KIF6: variants seen among roughly 807,000 people sequenced by gnomAD.
KIF6 encodes the protein kinesin family member 6, also known as kinesin-like protein KIF6.
KIF6 carries 106 observed loss-of-function variants against 112.7 expected under a neutral mutation model. The ratio of observed to expected loss-of-function variants is 0.94; its 90% CI spans 0.80 to 1.11. The LOEUF (loss-of-function observed/expected upper bound fraction) is 1.11, where lower values mean the gene tolerates loss of function less well. KIF6 is among the 50% of genes least tolerant of loss of function. KIF6 has a pLI of 0.00. For synonymous variants in KIF6, 339 were observed against 339.9 expected (o/e 1.00, Z 0.03); for missense variants, 929 against 964.0 (o/e 0.96, Z 0.48).
intron 3 of KIF6, among the ~76,000 whole-genome samples, chr6:39,688,028 C>A (rs1047971953): frequency 6.6e-6 from 1 of 152,178 alleles, no homozygotes; most frequent in African/African-American, 2.4e-5. Context: ...TGTTAACCCC[C>A]GTAGGCCTGA....
chr6:39,591,841 G>A lies in KIF6; in HGVS notation c.846+4213C>T, dbSNP rs576532746. On this transcript the variant is annotated intron_variant, in intron 7 of 22. Transcript: ENST00000287152. ...AAAACCTGACTTTTTGGCCAGGAGCGGTGGCTCACACCTGTAATCCCAGCA... is the reference window on the plus strand; with the variant it reads ...AAAACCTGACTTTTTGGCCAGGAGCAGTGGCTCACACCTGTAATCCCAGCA... Among the ~76,000 whole-genome samples, 328 of 152,248 alleles carry A rather than the reference G, an allele frequency of 2.2e-3. 2 individuals are homozygous for A. Among genetic ancestry groups the A allele is most frequent in the Non-Finnish European group, 3.8e-3 (256 of 68,012 alleles).
intron 3 of KIF6, among the ~76,000 whole-genome samples, chr6:39,678,875 A>C (rs1373858058): frequency 6.6e-6 from 1 of 152,198 alleles, no homozygotes; most frequent in Non-Finnish European, 1.5e-5. Context: ...TGGAGTCTTT[A>C]CCATGGAATA....
chr6:39,708,174 T>C (rs1789323978), intron 3 of KIF6, among the ~76,000 whole-genome samples: 2 of 152,124 alleles, frequency 1.3e-5, no homozygotes, highest in Admixed American at 1.3e-4. Flanking sequence ...TGCTGGGCAA[T>C]GACCTTGGCA....
intron 13 of KIF6, among the ~76,000 whole-genome samples, chr6:39,503,411 C>T (rs181014174): frequency 6.6e-6 from 1 of 151,608 alleles, no homozygotes; most frequent in African/African-American, 2.4e-5. Flanking sequence ...AGTTAACAAC[C>T]TGAGATCACA....
chr6:39,559,113 T>C (rs1420683196), intron 10 of KIF6, among the ~76,000 whole-genome samples: 1 of 152,196 alleles, frequency 6.6e-6, no homozygotes, highest in Non-Finnish European at 1.5e-5. Flanking sequence ...ATTTCATGAA[T>C]GATTTTAGAG....
chr6:39,506,212 T>C (rs1343016762), intron 13 of KIF6, among the ~76,000 whole-genome samples: 1 of 152,182 alleles, frequency 6.6e-6, no homozygotes, highest in African/African-American at 2.4e-5. Context: ...GGGACATGGA[T>C]GGAGCTGTAA....
rs532132719 is a variant in KIF6, at chr6:39,346,483, C to G, written c.2224G>C (p.Asp742His). Residue 742 changes from aspartate to histidine, a missense_variant, in exon 20 of 23, where the codon GAT becomes CAT. Physicochemically the swap from Asp to His is moderately conservative, Grantham distance 81. Coordinates refer to ENST00000287152, the MANE Select transcript of KIF6 (RefSeq NM_145027.6). ...EVQDQGTGRF[D>H]VCDVNARKIL... ...CGGGAAGGGGGTCCTCACCAGACAT[C>G]GAATCTGCCAGTGCCTTGATCTTGG... 1 of 716,010 alleles carries G rather than the reference C, an allele frequency of 1.4e-6. No homozygotes were observed. The highest frequency in any genetic ancestry group is 1.5e-5 in the South Asian group (1 of 67,448). 44.4% of individuals were successfully genotyped at this position (716,010 alleles called of 1,614,324 possible). A position where few individuals can be genotyped will look rare whatever the true frequency, so the allele number is the denominator to read the frequency against.
intron 3 of KIF6, among the ~76,000 whole-genome samples, chr6:39,668,659 C>G (rs1786624764): frequency 6.6e-6 from 1 of 152,174 alleles, no homozygotes; most frequent in Admixed American, 6.5e-5. Context: ...GAACCCCAGG[C>G]CATCTCATGA....
intron 5 of KIF6, among the ~76,000 whole-genome samples, chr6:39,619,826 C>G (rs1037705708): frequency 6.6e-6 from 1 of 152,068 alleles, no homozygotes; most frequent in Non-Finnish European, 1.5e-5. Flanking sequence ...AGCATAAATA[C>G]GAAACATTAT....
At chr6:39,521,920 A>G (rs1393529987) in intron 13 of KIF6, among the ~76,000 whole-genome samples, 3 of 152,186 alleles carry the variant, frequency 2.0e-5, no homozygotes, top group Non-Finnish European at 4.4e-5. Flanking sequence ...CCTCCAGGCA[A>G]CTGTCATCCC....
At chr6:39,439,928 T>A (rs1179808967) in intron 13 of KIF6, among the ~76,000 whole-genome samples, 4 of 152,214 alleles carry the variant, frequency 2.6e-5, no homozygotes, top group Non-Finnish European at 4.4e-5. Flanking sequence ...CTAAACAACC[T>A]ACTGCTGCTT....
chr6:39,578,080 G>A lies in KIF6; in HGVS notation c.1157C>T (p.Ala386Val), dbSNP rs773811988. Residue 386 changes from alanine (A) to valine (V), a missense_variant, in exon 10 of 23, where the codon GCA becomes GTA. Around this residue, in one of 2 missense-constraint regions of KIF6, gnomAD observed 688 missense variants for 662.7 expected, o/e 1.04. Coordinates refer to ENST00000287152, the MANE Select transcript of KIF6 (RefSeq NM_145027.6). ...CTGAAGGAGCTCTGCTTCTGTGAGT[G>A]CCTCTGTCCTCTGCTCCCCAGTGAC... ...AMVTGEQRTE[A>V]LTEAELLQLE... The A allele has an allele frequency of 1.9e-6, 3 of 1,613,496 alleles. No individual in the cohort carries two copies. Among genetic ancestry groups the A allele is most frequent in the East Asian group, 2.2e-5 (1 of 44,878 alleles).
intron 13 of KIF6, among the ~76,000 whole-genome samples, chr6:39,533,983 A>T (rs1778245431): frequency 6.6e-6 from 1 of 152,268 alleles, no homozygotes; most frequent in African/African-American, 2.4e-5. Context: ...AAACTCCAAC[A>T]GACCTGCAGC....
chr6:39,691,328 TC>T (rs1436962222), intron 3 of KIF6: 2 of 152,098 alleles, frequency 1.3e-5, no homozygotes, highest in Non-Finnish European at 2.9e-5. Context: ...TCAAAACAAG[TC>T]AGTGTCGAAA....
At chr6:39,614,049 T>C (rs2150722128) in intron 5 of KIF6, among the ~76,000 whole-genome samples, 1 of 152,306 alleles carries the variant, frequency 6.6e-6, no homozygotes, top group Admixed American at 6.5e-5. Context: ...CACCGTTTCC[T>C]CCCAGGTGAA....
intron 3 of KIF6, among the ~76,000 whole-genome samples, chr6:39,647,399 C>T (rs1268211481): frequency 6.6e-6 from 1 of 152,062 alleles, no homozygotes; most frequent in Non-Finnish European, 1.5e-5. Context: ...GGTGTATGGA[C>T]CCCATGACTC....
At chr6:39,544,110 A>C (rs961427901) in intron 12 of KIF6, among the ~76,000 whole-genome samples, 1 of 152,122 alleles carries the variant, frequency 6.6e-6, no homozygotes, top group Admixed American at 6.5e-5. Context: ...CCATCATTTG[A>C]GTTTCACCCA....
At chr6:39,496,570 C>A (rs1206616016) in intron 13 of KIF6, among the ~76,000 whole-genome samples, 1 of 151,824 alleles carries the variant, frequency 6.6e-6, no homozygotes, top group Non-Finnish European at 1.5e-5. Flanking sequence ...AAAGTGACTA[C>A]CCCCCCAACT....
intron 19 of KIF6, among the ~76,000 whole-genome samples, chr6:39,347,123 T>C (rs80346086): frequency 6.6e-6 from 1 of 152,244 alleles, no homozygotes; most frequent in Non-Finnish European, 1.5e-5. Context: ...GTCTCCATTT[T>C]ATACATGAGA....
Sources: allele counts gnomAD v4.1 joint callset (sites outside exome capture counted in the v4.1 genomes callset), GRCh38; gene constraint gnomAD v4.1.1; regional missense constraint gnomAD v4.1.1; transcripts MANE v1.5; gene names NCBI Gene and HGNC (gene_info 2026-07-23, HGNC 2026-07-21).